ZFHX2: variants seen among roughly 807,000 people sequenced by gnomAD.
ZFHX2 encodes zinc finger homeobox protein 2.
A neutral mutation model predicts 164.8 loss-of-function variants in ZFHX2; 75 were observed. That is an observed-to-expected ratio of 0.46 (90% CI 0.38 to 0.55). The LOEUF is 0.55. Ranked by LOEUF, ZFHX2 falls within the 20% of genes least tolerant of loss-of-function variation. The pLI, the probability that ZFHX2 is intolerant of heterozygous loss-of-function variation, is 0.00. For synonymous variants in ZFHX2, 1,217 were observed against 1,351.4 expected (o/e 0.90, Z 2.18); for missense variants, 2,933 against 3,308.0 (o/e 0.89, Z 2.78).
intron 6 of ZFHX2, 175 bp downstream of exon 6, chr14:23,529,535 C>G: frequency 1.5e-6 from 1 of 651,038 alleles, no homozygotes; most frequent in South Asian, 1.9e-5. Flanking sequence ...TGGGCCAGCT[C>G]TGCCCCCGAA....
rs1350024992 is a variant in ZFHX2, at chr14:23,525,767, G to A, written c.4175C>T (p.Ala1392Val). ...AGGTTGGGGTGGAGGAGGAGGGGTG[G>A]CAGCTGGCAGGGACAGCACAGGTGC... is the stretch of plus-strand genomic sequence containing the variant. ...GPAPVLSLPA[A>V]TPPPPPQPPK... Residue 1392 changes from alanine (A) to valine (V), a missense_variant, in exon 9 of 10, where the codon GCC becomes GTC. Ala to Val is a moderately conservative substitution (Grantham distance 64). Transcript: ENST00000419474. The surrounding 1 kb of genome is among the most constrained non-coding windows in gnomAD (Gnocchi z 5.9). 5.3e-6 allele frequency: 8 copies of A among 1,503,928 alleles called. No homozygotes were observed. The highest frequency in any genetic ancestry group is 7.1e-6 in the Non-Finnish European group (8 of 1,130,320). The allele number at this position is 1,503,928 out of a possible 1,614,324, so 93.2% of individuals were successfully genotyped here. A position where few individuals can be genotyped will look rare whatever the true frequency, so the allele number is the denominator to read the frequency against.
intron 1 of ZFHX2, among the ~76,000 whole-genome samples, chr14:23,541,902 C>G (rs906732440): frequency 6.6e-6 from 1 of 152,192 alleles, no homozygotes; most frequent in Non-Finnish European, 1.5e-5. Context: ...TTCTACCTAT[C>G]TCTTCTAGAC....
At position 23,532,682 on chromosome 14, in the gene ZFHX2, G is replaced by T. The variant is rs1224137209; in HGVS notation, c.2444C>A (p.Ser815Tyr). ...ASLGDGAPYGSVSPLHLRCNI... is the reference protein window; with the variant it reads ...ASLGDGAPYGYVSPLHLRCNI... Reference sequence around the variant, plus strand: ...GCAGCGCAGGTGTAGTGGGGAGACAGACCCATAAGGAGCCCCATCTCCCAG... The same window carrying T: ...GCAGCGCAGGTGTAGTGGGGAGACATACCCATAAGGAGCCCCATCTCCCAG... Residue 815 changes from serine (S) to tyrosine (Y), a missense_variant, in exon 3 of 10, where the codon TCT becomes TAT. Coordinates refer to ENST00000419474, the MANE Select transcript of ZFHX2 (RefSeq NM_033400.3). 1 of 1,523,734 alleles carries T rather than the reference G, an allele frequency of 6.6e-7. No individual in the cohort carries two copies. The allele number at this position is 1,523,734 out of a possible 1,614,324, so 94.4% of individuals were successfully genotyped here.
Position 23,539,542 on chromosome 14 carries a change from C to T in ZFHX2, c.-49-4168G>A, listed in dbSNP as rs189818335. ...GGGGGAAATAGTGAGACTTAAGGAC[C>T]GGAGAATTACAAGAGACAAAGGGCA... On this transcript the variant is annotated intron_variant, in intron 1 of 9. Transcript: ENST00000419474. Among the ~76,000 whole-genome samples, 12 of 152,166 alleles carry T rather than the reference C, an allele frequency of 7.9e-5. 1 individual carries two copies. Among genetic ancestry groups the T allele is most frequent in the Admixed American group, 5.2e-4 (8 of 15,286 alleles).
Position 23,526,448 on chromosome 14 carries a change from G to A in ZFHX2, c.3494C>T (p.Ala1165Val). Residue 1165 changes from alanine (A) to valine (V), a missense_variant, in exon 9 of 10, where the codon GCT becomes GTT. Ala to Val is a moderately conservative substitution (Grantham distance 64). Transcript: ENST00000419474. ...GELRSAEPAP[A>V]DSRHPLTYRK... ...ATAGGTCAGAGGGTGGCGAGAGTCA[G>A]CTGGAGCTGGCTCTGCAGAGCGGAG... 1 of 1,536,260 alleles carries A rather than the reference G, an allele frequency of 6.5e-7. No individual in the cohort carries two copies. The highest frequency in any genetic ancestry group is 2.4e-5 in the East Asian group (1 of 40,886).
At position 23,549,232 on chromosome 14, in the gene ZFHX2, G is replaced by A. The variant is rs78576184; in HGVS notation, c.-50+2111C>T. Among the ~76,000 whole-genome samples, 118 of 151,822 alleles carry A rather than the reference G, an allele frequency of 7.8e-4. 3 individuals carry two copies. In the East Asian group the frequency reaches 0.018, roughly 23 times the overall value. On this transcript the variant is annotated intron_variant, in intron 1 of 9. Transcript: ENST00000419474. ...ACCCCTTGGTTCCTCCCCTGCCCCC[G>A]AGTCCGCATAGATTTTCCTCCCTTC...
chr14:23,522,230 A>G lies in ZFHX2; in HGVS notation c.7451T>C (p.Met2484Thr), dbSNP rs1335237239. ...CFFGRGSGGS[M>T]PPPLRVPICT... is the part of the protein sequence containing the mutation. ...GATGGGCACCCGCAATGGGGGTGGC[A>G]TGGAGCCCCCAGAGCCCCGCCCAAA... The change falls in exon 10 of 10, where the codon ATG becomes ACG. Residue 2484 changes from methionine to threonine, a missense_variant. Transcript: ENST00000419474. 2 of 1,478,828 alleles carry G rather than the reference A, an allele frequency of 1.4e-6. No individual in the cohort carries two copies. Among genetic ancestry groups the G allele is most frequent in the African/African-American group, 1.4e-5 (1 of 71,592 alleles). 91.6% of individuals were successfully genotyped at this position (1,478,828 alleles called of 1,614,324 possible).
In ZFHX2 at chr14:23,522,086, ATGGG is replaced by A; in HGVS notation, c.7591_7594del (p.Pro2531SerfsTer39). On this transcript the variant is annotated frameshift_variant, in exon 10 of 10. Transcript: ENST00000419474. LOFTEE classifies it high-confidence loss of function. Reference sequence around the variant, plus strand: ...AGCAGTGGCGGCGTTGGTGATGGAGATGGGTGGGCCCCCTTGAGGTGGGGCTGCC... The same window carrying A: ...AGCAGTGGCGGCGTTGGTGATGGAGATGGGCCCCCTTGAGGTGGGGCTGCC... The A allele has an allele frequency of 6.5e-7, 1 of 1,536,148 alleles. No homozygotes were observed. Among genetic ancestry groups the A allele is most frequent in the East Asian group, 2.4e-5 (1 of 40,918 alleles).
At chr14:23,551,956 C>T (rs898502498), upstream of ZFHX2, among the ~76,000 whole-genome samples, 2 of 152,216 alleles carry the variant, frequency 1.3e-5, no homozygotes, top group Non-Finnish European at 2.9e-5. The surrounding 1 kb of genome is among the most constrained non-coding windows in gnomAD (Gnocchi z 5.3). Context: ...AGGGCAGGCC[C>T]CTTTAAACTC....
upstream of ZFHX2, among the ~76,000 whole-genome samples, chr14:23,555,340 A>C (rs1357405715): frequency 2.0e-5 from 3 of 152,126 alleles, no homozygotes; most frequent in Non-Finnish European, 2.9e-5. Flanking sequence ...ACACCTGACA[A>C]AAACTGCTTA....
upstream of ZFHX2, among the ~76,000 whole-genome samples, chr14:23,553,621 G>A (rs977977898): frequency 2.7e-5 from 4 of 148,328 alleles, no homozygotes; most frequent in African/African-American, 5.0e-5. Flanking sequence ...CAGGCCGGGC[G>A]TGGTGGCTCA....
Position 23,523,280 on chromosome 14 carries a change from G to C in ZFHX2, c.6662C>G (p.Pro2221Arg). The change falls in exon 9 of 10, where the codon CCT (proline) becomes CGT (arginine). Residue 2221 changes from proline (P) to arginine (R), a missense_variant. Physicochemically the swap from Pro to Arg is moderately radical, Grantham distance 103. Coordinates refer to ENST00000419474, the MANE Select transcript of ZFHX2 (RefSeq NM_033400.3). This position sits in a 1 kb window ranked among gnomAD's most constrained non-coding sequence, Gnocchi z 4.1. The part of the protein sequence containing the change: ...SMPLGAAPTL[P>R]RLAPVLLSGP... ...AGATAAGAGGACCGGCGCCAGGCGAGGCAAGGTTGGGGCAGCCCCGAGGGG... is the reference window on the plus strand; with the variant it reads ...AGATAAGAGGACCGGCGCCAGGCGACGCAAGGTTGGGGCAGCCCCGAGGGG... The C allele has an allele frequency of 7.0e-7, 1 of 1,438,318 alleles. No individual in the cohort carries two copies. The highest frequency in any genetic ancestry group is 1.5e-5 in the South Asian group (1 of 67,870). 89.1% of individuals were successfully genotyped at this position (1,438,318 alleles called of 1,614,324 possible).
chr14:23,526,545 G>A lies in ZFHX2; in HGVS notation c.3397C>T (p.Pro1133Ser), dbSNP rs1483061736. The part of the protein sequence containing the change: ...PSPAPSPVPE[P>S]DAQAEDVAPP... Reference sequence around the variant, plus strand: ...GCTACGTCTTCAGCTTGGGCATCAGGTTCAGGGACTGGAGATGGGGCTGGA... The same window carrying A: ...GCTACGTCTTCAGCTTGGGCATCAGATTCAGGGACTGGAGATGGGGCTGGA... The change falls in exon 9 of 10, where the codon CCT (proline) becomes TCT (serine). Residue 1133 changes from proline to serine, a missense_variant. Transcript: ENST00000419474. 2 of 1,535,906 alleles carry A rather than the reference G, an allele frequency of 1.3e-6. No homozygotes were observed. The highest frequency in any genetic ancestry group is 3.9e-5 in the Admixed American group (2 of 50,966).
In ZFHX2 at chr14:23,523,041, C is replaced by T. The variant is rs902472315; in HGVS notation, c.6740-100G>A. 2.3e-5 allele frequency: 32 copies of T among 1,407,840 alleles called. No individual in the cohort carries two copies. Among genetic ancestry groups the T allele is most frequent in the Non-Finnish European group, 2.7e-5 (29 of 1,085,788 alleles). The allele number at this position is 1,407,840 out of a possible 1,614,324, so 87.2% of individuals were successfully genotyped here. On this transcript the variant is annotated intron_variant, in intron 9 of 9. Coordinates refer to ENST00000419474, the MANE Select transcript of ZFHX2 (RefSeq NM_033400.3). The surrounding 1 kb of genome is among the most constrained non-coding windows in gnomAD (Gnocchi z 4.1). ...AGCCACACACACCCGTTCCCAGCAC[C>T]GGATTTCCATGCCCCTTCCCTCCCT...
chr14:23,544,826 C>T (rs941744514), intron 1 of ZFHX2, among the ~76,000 whole-genome samples: 8 of 152,306 alleles, frequency 5.3e-5, no homozygotes, highest in Middle Eastern at 3.4e-3. Context: ...CACGTTCTTT[C>T]CCTCCGGCTC....
At chr14:23,547,953 G>C (rs959629796) in intron 1 of ZFHX2, among the ~76,000 whole-genome samples, 1 of 152,128 alleles carries the variant, frequency 6.6e-6, no homozygotes, top group Non-Finnish European at 1.5e-5. Flanking sequence ...AGGGGACTCT[G>C]TCCCATTTCC....
At chr14:23,555,758 G>A (rs1477182869), upstream of ZFHX2, 1 of 142,506 alleles carries the variant, frequency 7.0e-6, no homozygotes, top group African/African-American at 2.6e-5. Context: ...GATATCTGTT[G>A]GACGGTGTGA....
chr14:23,531,231 A>G, intron 4 of ZFHX2: 1 of 405,446 alleles, frequency 2.5e-6, no homozygotes, highest in Middle Eastern at 6.6e-4. Context: ...GTTCCTCTTC[A>G]CCCTCTTCCT....
At chr14:23,552,495 G>C (rs1291433706), upstream of ZFHX2, among the ~76,000 whole-genome samples, 1 of 152,022 alleles carries the variant, frequency 6.6e-6, no homozygotes, top group Non-Finnish European at 1.5e-5. Context: ...GTTTCACCAC[G>C]TTGGTCAAGC....
Sources: gnomAD v4.1 joint callset for allele counts (sites outside exome capture counted in the v4.1 genomes callset) on GRCh38, gnomAD v4.1.1 for gene constraint, Gnocchi (gnomAD v3.1) non-coding constraint, MANE v1.5 for transcripts, NCBI Gene and HGNC (gene_info 2026-07-23, HGNC 2026-07-21) for gene names.